CANT1: variants seen among roughly 807,000 people sequenced by gnomAD.
CANT1 encodes the protein soluble calcium-activated nucleotidase 1.
A neutral mutation model predicts 30.0 loss-of-function variants in CANT1; 26 were observed. The observed-to-expected ratio is 0.87, with a 90% CI of 0.64 to 1.20. The LOEUF is 1.20. CANT1 is among the 50% of genes most tolerant of loss of function. CANT1 has a pLI of 0.00. For missense variants in CANT1, 518 were observed against 563.0 expected (o/e 0.92, Z 0.81); for synonymous variants, 246 against 251.8 (o/e 0.98, Z 0.22).
chr17:78,995,916 C>A lies in CANT1; in HGVS notation c.632-695G>T, dbSNP rs552631041. On this transcript the variant is annotated intron_variant, in intron 3 of 4. Transcript: ENST00000392446. This position sits in a 1 kb window ranked among gnomAD's most constrained non-coding sequence, Gnocchi z 5.7. ...CTCTGCAGGGCCCTGGAGGGACCTG[C>A]GGTCTCCTGGTCTGCTTGTGCGATG... Among the ~76,000 whole-genome samples, 1 of 152,054 alleles carries A rather than the reference C, an allele frequency of 6.6e-6. No individual in the cohort carries two copies. The highest frequency in any genetic ancestry group is 1.9e-4 in the East Asian group (1 of 5,160).
Position 78,993,775 on chromosome 17 carries a change from GAA to G in CANT1, c.979_980del (p.Phe327ArgfsTer123). ...ANLLLSASPDFGDIAVSHVGA... is the reference protein window; with the variant it reads ...ANLLLSASPDXGDIAVSHVGA... ...CGACGTGGCTCACAGCGATGTCGCCGAAGTCAGGGGAGGCGCTCAGCAGCAGG... is the reference window on the plus strand; with the variant it reads ...CGACGTGGCTCACAGCGATGTCGCCGGTCAGGGGAGGCGCTCAGCAGCAGG... On this transcript the variant is annotated frameshift_variant, in exon 5 of 5. Transcript: ENST00000392446. LOFTEE classifies it high-confidence loss of function. The surrounding 1 kb of genome is among the most constrained non-coding windows in gnomAD (Gnocchi z 4.5). 6.2e-7 allele frequency: 1 copy of G among 1,612,750 alleles called. No individual in the cohort carries two copies. Among genetic ancestry groups the G allele is most frequent in the Non-Finnish European group, 8.5e-7 (1 of 1,179,870 alleles).
intron 1 of CANT1, among the ~76,000 whole-genome samples, chr17:79,006,491 C>T (rs951453812): frequency 1.3e-5 from 2 of 152,146 alleles, no homozygotes; most frequent in Admixed American, 6.5e-5. Flanking sequence ...GGGAGCTGTT[C>T]CTCCACCAAT....
At position 79,008,273 on chromosome 17, in the gene CANT1, C is replaced by G. The variant is rs4497730; in HGVS notation, c.-147+1391G>C. On this transcript the variant is annotated intron_variant, in intron 1 of 4. Transcript: ENST00000392446. The surrounding 1 kb of genome is among the most constrained non-coding windows in gnomAD (Gnocchi z 4.4). ...CCAGACTGTCCTGCTGAGAGGCCTG[C>G]GGTGGGGCTGCAGGGAGGGTCTGTG... The G allele has an allele frequency of 0.26, 39,529 of 152,292 alleles. 6,122 individuals are homozygous for G. The highest frequency in any genetic ancestry group is 0.63 in the East Asian group (3,241 of 5,154). The allele number at this position is 152,292 out of a possible 1,614,324, so 9.4% of individuals were successfully genotyped here.
rs1167375107 is a variant in CANT1, at chr17:78,993,940, G to A, written c.836-20C>T. The A allele has an allele frequency of 2.6e-6, 4 of 1,557,688 alleles. No homozygotes were observed. The highest frequency in any genetic ancestry group is 2.6e-6 in the Non-Finnish European group (3 of 1,159,600). Reference sequence around the variant, plus strand: ...GGTAGCCTGGGAACCGGGTGACCGCGGGTCAGACACGCATGCGGCCTGGTG... The same window carrying A: ...GGTAGCCTGGGAACCGGGTGACCGCAGGTCAGACACGCATGCGGCCTGGTG... On this transcript the variant is annotated intron_variant, in intron 4 of 4. Transcript: ENST00000392446. This position sits in a 1 kb window ranked among gnomAD's most constrained non-coding sequence, Gnocchi z 4.5.
intron 1 of CANT1, among the ~76,000 whole-genome samples, chr17:79,007,702 G>A (rs1252091752): frequency 6.6e-6 from 1 of 152,136 alleles, no homozygotes; most frequent in Non-Finnish European, 1.5e-5. Context: ...AGCTCAGGGG[G>A]GTCCTGCAGA....
chr17:78,997,424 C>A lies in CANT1; in HGVS notation c.199G>T (p.Gly67Cys). The change falls in exon 3 of 5, where the codon GGC becomes TGC. Residue 67 changes from glycine (G) to cysteine (C), a missense_variant. This residue lies in a region of CANT1 where 249 missense variants were observed against 268.8 expected (regional missense o/e 0.93). Coordinates refer to ENST00000392446, the MANE Select transcript of CANT1 (RefSeq NM_001159773.2). This position sits in a 1 kb window ranked among gnomAD's most constrained non-coding sequence, Gnocchi z 7.5. ...TGTGCATTGTGGGTGGGGGGCCTGC[C>A]GGGGGCCGGGCGGTGGGAGCAGAGC... ...WLLCSHRPAP[G>C]RPPTHNAHNW... The A allele has an allele frequency of 7.5e-7, 1 of 1,338,806 alleles. No homozygotes were observed. Among genetic ancestry groups the A allele is most frequent in the Middle Eastern group, 2.1e-4 (1 of 4,804 alleles). The allele number at this position is 1,338,806 out of a possible 1,614,324, so 82.9% of individuals were successfully genotyped here. A position where few individuals can be genotyped will look rare whatever the true frequency, so the allele number is the denominator to read the frequency against.
At chr17:79,003,282 C>T (rs2071331575) in intron 1 of CANT1, among the ~76,000 whole-genome samples, 1 of 152,182 alleles carries the variant, frequency 6.6e-6, no homozygotes, top group South Asian at 2.1e-4. Flanking sequence ...ATCTCTCCTT[C>T]AGGACCCCAA....
chr17:78,999,669 T>TTTTTG (rs2071180397), intron 1 of CANT1, among the ~76,000 whole-genome samples: 9 of 140,426 alleles, frequency 6.4e-5, no homozygotes, highest in Admixed American at 2.8e-4. Context: ...TTTTTTTTTT[T>TTTTTG]GGAGACAGAG....
Position 78,997,007 on chromosome 17 carries a change from C to A in CANT1, c.616G>T (p.Gly206Cys), listed in dbSNP as rs764662231. 6.2e-7 allele frequency: 1 copy of A among 1,614,048 alleles called. No homozygotes were observed. Among genetic ancestry groups the A allele is most frequent in the Non-Finnish European group, 8.5e-7 (1 of 1,180,048 alleles). Residue 206 changes from glycine to cysteine, a missense_variant, in exon 3 of 5, where the codon GGC (glycine) becomes TGC (cysteine). By Grantham distance (159) the Gly-to-Cys change is radical. This residue lies in a region of CANT1 where 48 missense variants were observed against 82.5 expected (regional missense o/e 0.58). Coordinates refer to ENST00000392446, the MANE Select transcript of CANT1 (RefSeq NM_001159773.2). The surrounding 1 kb of genome is among the most constrained non-coding windows in gnomAD (Gnocchi z 7.5). The part of the protein sequence containing the change: ...VPWVILSDGD[G>C]TVEKGFKAEW... ...GTCCAGTTACCTTTCTCCACGGTGCCGTCGCCGTCGGACAGAATCACCCAG... is the reference window on the plus strand; with the variant it reads ...GTCCAGTTACCTTTCTCCACGGTGCAGTCGCCGTCGGACAGAATCACCCAG...
At chr17:79,005,215 AAG>A (rs1178281811) in intron 1 of CANT1, among the ~76,000 whole-genome samples, 7 of 123,870 alleles carry the variant, frequency 5.7e-5, no homozygotes, top group African/African-American at 1.9e-4. Context: ...AGTTAGGGAG[AAG>A]GGAGTTAGGG....
intron 1 of CANT1, among the ~76,000 whole-genome samples, chr17:79,007,068 C>T (rs1031854839): frequency 6.6e-6 from 1 of 152,232 alleles, no homozygotes; most frequent in Non-Finnish European, 1.5e-5. Context: ...CCCAGAGGAA[C>T]GCGGGGAGCA....
rs772597696 is a variant in CANT1 at position 78,995,095 on chromosome 17, T to C, written c.758A>G (p.Tyr253Cys). ...ENPEWVKVVG[Y>C]KGSVDHENWV... is the part of the protein sequence containing the mutation. Reference sequence around the variant, plus strand: ...GTTCTCGTGGTCCACGCTGCCCTTGTAGCCCACCACCTTCACCCACTCCGG... The same window carrying C: ...GTTCTCGTGGTCCACGCTGCCCTTGCAGCCCACCACCTTCACCCACTCCGG... Residue 253 changes from tyrosine (Y) to cysteine (C), a missense_variant, in exon 4 of 5, where the codon TAC (tyrosine) becomes TGC (cysteine). Physicochemically the swap from Tyr to Cys is radical, Grantham distance 194. Coordinates refer to ENST00000392446, the MANE Select transcript of CANT1 (RefSeq NM_001159773.2). This position sits in a 1 kb window ranked among gnomAD's most constrained non-coding sequence, Gnocchi z 5.7. The C allele has an allele frequency of 6.2e-7, 1 of 1,612,118 alleles. No individual in the cohort carries two copies. The highest frequency in any genetic ancestry group is 8.5e-7 in the Non-Finnish European group (1 of 1,179,270).
At position 78,992,770 on chromosome 17, in the gene CANT1, G is replaced by A. The variant is rs1476546673; in HGVS notation, c.*780C>T. On this transcript the variant is annotated 3_prime_UTR_variant, in exon 5 of 5. Coordinates refer to ENST00000392446, the MANE Select transcript of CANT1 (RefSeq NM_001159773.2). ...TACAATCTCCCGCACTGCTGGAGCG[G>A]GCTGGGTAACTACAGGACTGTGCTC... The A allele has an allele frequency of 6.8e-6, 4 of 584,986 alleles. No homozygotes were observed. Among genetic ancestry groups the A allele is most frequent in the African/African-American group, 1.8e-5 (1 of 55,328 alleles). 36.2% of individuals were successfully genotyped at this position (584,986 alleles called of 1,614,324 possible). A position where few individuals can be genotyped will look rare whatever the true frequency, so the allele number is the denominator to read the frequency against.
intron 1 of CANT1, among the ~76,000 whole-genome samples, chr17:79,001,543 C>G (rs190484819): frequency 6.6e-6 from 1 of 152,094 alleles, no homozygotes; most frequent in South Asian, 2.1e-4. Context: ...CCTGAGTCCC[C>G]GGCACCTCTG....
intron 4 of CANT1, 104 bp downstream of exon 4, chr17:78,994,914 T>C: frequency 4.2e-6 from 5 of 1,186,776 alleles, no homozygotes; most frequent in Non-Finnish European, 6.0e-6. Context: ...AGCAAGACTA[T>C]GTCTAAAATA....
Position 78,997,107 on chromosome 17 carries a change from A to G in CANT1, c.516T>C (p.Val172=). The change falls in exon 3 of 5, where the codon GTT becomes GTC. Residue 172 remains valine (V), a synonymous_variant. Coordinates refer to ENST00000392446, the MANE Select transcript of CANT1 (RefSeq NM_001159773.2). The surrounding 1 kb of genome is among the most constrained non-coding windows in gnomAD (Gnocchi z 7.5). ...CCACGGAGTAGAGTTTCCCATTGAA[A>G]ACAATCAGGTCGGATAGCTCCATGC... ...GRGMELSDLI[V]FNGKLYSVDD... The G allele has an allele frequency of 6.2e-7, 1 of 1,614,144 alleles. No individual in the cohort carries two copies. The highest frequency in any genetic ancestry group is 8.5e-7 in the Non-Finnish European group (1 of 1,180,034).
At position 78,992,981 on chromosome 17, in the gene CANT1, GC is replaced by G. The variant is rs1223603503; in HGVS notation, c.*568del. Reference sequence around the variant, plus strand: ...CCTGAGAACCAACAGATGTGCCTGCGCCCTGGCCTGTGCAGCTGTGGGCAGA... The same window carrying G: ...CCTGAGAACCAACAGATGTGCCTGCGCCTGGCCTGTGCAGCTGTGGGCAGA... On this transcript the variant is annotated 3_prime_UTR_variant, in exon 5 of 5. Coordinates refer to ENST00000392446, the MANE Select transcript of CANT1 (RefSeq NM_001159773.2). The G allele has an allele frequency of 8.5e-6, 3 of 352,246 alleles. No individual in the cohort carries two copies. The highest frequency in any genetic ancestry group is 1.6e-5 in the Non-Finnish European group (3 of 185,588). 21.8% of individuals were successfully genotyped at this position (352,246 alleles called of 1,614,324 possible).
chr17:78,997,759 C>T lies in CANT1; in HGVS notation c.-23+81G>A, dbSNP rs909287004. ...CTTTTCCAGAAGAAACAGTATTTCA[C>T]TACTCTGTGGCCATTCTTACTCCCT... On this transcript the variant is annotated intron_variant, in intron 2 of 4. Coordinates refer to ENST00000392446, the MANE Select transcript of CANT1 (RefSeq NM_001159773.2). This position sits in a 1 kb window ranked among gnomAD's most constrained non-coding sequence, Gnocchi z 7.5. 1 of 895,482 alleles carries T rather than the reference C, an allele frequency of 1.1e-6. No individual in the cohort carries two copies. Among genetic ancestry groups the T allele is most frequent in the East Asian group, 2.7e-5 (1 of 36,894 alleles). 55.5% of individuals were successfully genotyped at this position (895,482 alleles called of 1,614,324 possible). A position where few individuals can be genotyped will look rare whatever the true frequency, so the allele number is the denominator to read the frequency against.
chr17:78,993,573 A>G lies in CANT1; in HGVS notation c.1183T>C (p.Tyr395His). The G allele has an allele frequency of 1.2e-6, 2 of 1,614,150 alleles. No individual in the cohort carries two copies. The highest frequency in any genetic ancestry group is 1.7e-6 in the Non-Finnish European group (2 of 1,180,032). The change falls in exon 5 of 5, where the codon TAC (tyrosine) becomes CAC (histidine). Residue 395 changes from tyrosine (Y) to histidine (H), a missense_variant. Physicochemically the swap from Tyr to His is moderately conservative, Grantham distance 83. Transcript: ENST00000392446. This position sits in a 1 kb window ranked among gnomAD's most constrained non-coding sequence, Gnocchi z 4.5. ...LPETKIGSVK[Y>H]EGIEFI ...AGTTAAATGAACTCGATGCCTTCGT[A>G]TTTCACGCTTCCGATCTTGGTCTCC... is the stretch of plus-strand genomic sequence containing the variant.
Sources: gnomAD v4.1 joint callset for allele counts (sites outside exome capture counted in the v4.1 genomes callset) on GRCh38, gnomAD v4.1.1 for gene constraint, gnomAD v4.1.1 regional missense constraint, Gnocchi (gnomAD v3.1) non-coding constraint, MANE v1.5 for transcripts, NCBI Gene and HGNC (gene_info 2026-07-23, HGNC 2026-07-21) for gene names.